WDR91: variants seen among roughly 807,000 people sequenced by gnomAD.
The protein encoded by WDR91 is WD repeat domain 91, also known as WD repeat-containing protein 91.
WDR91 carries 52 observed loss-of-function variants against 88.4 expected under a neutral mutation model. That is an observed-to-expected ratio of 0.59 (90% confidence interval 0.47 to 0.74). WDR91 has a LOEUF of 0.74. Among genes scored for constraint, WDR91 ranks in the 30% least tolerant of loss-of-function variants. The pLI is 0.00. For synonymous variants in WDR91, 362 were observed against 389.5 expected (o/e 0.93, Z 0.83); for missense variants, 824 against 954.5 (o/e 0.86, Z 1.80).
chr7:135,195,455 T>C (rs1831328011), intron 8 of WDR91, among the ~76,000 whole-genome samples: 1 of 152,226 alleles, frequency 6.6e-6, no homozygotes, highest in African/African-American at 2.4e-5. Flanking sequence ...GAGAAACCCA[T>C]CTACAGCTGA....
At chr7:135,193,182 T>TGC in intron 11 of WDR91, 49 bp downstream of exon 11, 5 of 1,594,272 alleles carry the variant, frequency 3.1e-6, no homozygotes, top group Non-Finnish European at 4.3e-6. Flanking sequence ...CCCAGGGGAA[T>TGC]ACAGAGTGTG....
Position 135,211,386 on chromosome 7 carries a change from C to G in WDR91, c.117G>C (p.Gly39=), listed in dbSNP as rs1187735446. 6.2e-7 allele frequency: 1 copy of G among 1,610,054 alleles called. No homozygotes were observed. The highest frequency in any genetic ancestry group is 1.1e-5 in the South Asian group (1 of 90,618). Residue 39 remains glycine (G), a synonymous_variant, in exon 1 of 15, where the codon GGG becomes GGC. Transcript: ENST00000354475. The part of the protein sequence containing the change: ...DAEIKADKEK[G]FRVDKIVDQL... ...GCTCCCGCCGGCCTCTCACCCGGAA[C>G]CCCTTCTCCTTGTCCGCCTTGATCT...
intron 7 of WDR91, chr7:135,197,259 T>C (rs1831408915): frequency 6.6e-6 from 1 of 152,150 alleles, no homozygotes; most frequent in Non-Finnish European, 1.5e-5. Context: ...GCCTTAGGGG[T>C]CTGTTGTCAC....
chr7:135,196,395 T>A lies in WDR91; in HGVS notation c.1051-58A>T, dbSNP rs1831375502. Reference sequence around the variant, plus strand: ...GGAAAGGGTCCCCCACACCAGGGTGTACACCGCAGGGGGTCTAGGCCTAGG... The same window carrying A: ...GGAAAGGGTCCCCCACACCAGGGTGAACACCGCAGGGGGTCTAGGCCTAGG... On this transcript the variant is annotated intron_variant, in intron 7 of 14. Transcript: ENST00000354475. This position sits in a 1 kb window ranked among gnomAD's most constrained non-coding sequence, Gnocchi z 4.2. 1 of 1,445,712 alleles carries A rather than the reference T, an allele frequency of 6.9e-7. No individual in the cohort carries two copies. The highest frequency in any genetic ancestry group is 9.1e-7 in the Non-Finnish European group (1 of 1,093,108). 89.6% of individuals were successfully genotyped at this position (1,445,712 alleles called of 1,614,324 possible).
chr7:135,200,017 T>C (rs1831514911), intron 6 of WDR91: 2 of 152,318 alleles, frequency 1.3e-5, no homozygotes, highest in Admixed American at 1.3e-4. Flanking sequence ...TTTACAATGA[T>C]AGGGCAGTTT....
chr7:135,188,782 G>C (rs1015894191), intron 12 of WDR91, among the ~76,000 whole-genome samples: 1 of 152,148 alleles, frequency 6.6e-6, no homozygotes. Flanking sequence ...AGGAGTCCCT[G>C]GGGGGAGCTC....
chr7:135,193,098 A>G, intron 11 of WDR91, 133 bp downstream of exon 11: 1 of 1,316,922 alleles, frequency 7.6e-7, no homozygotes, highest in South Asian at 1.4e-5. Flanking sequence ...GGAGTACACT[A>G]CTTTTCAACA....
chr7:135,192,034 A>T (rs2117644150), intron 11 of WDR91, among the ~76,000 whole-genome samples: 1 of 151,996 alleles, frequency 6.6e-6, no homozygotes, highest in African/African-American at 2.4e-5. Context: ...ACACACTGGC[A>T]GCATTTGCTT....
chr7:135,209,271 A>C (rs1831926619), intron 2 of WDR91, among the ~76,000 whole-genome samples: 1 of 152,226 alleles, frequency 6.6e-6, no homozygotes, highest in Non-Finnish European at 1.5e-5. Flanking sequence ...CCTCCAGGTC[A>C]GCTATCATCT....
At chr7:135,209,060 T>G in intron 2 of WDR91, 62 bp from the exon 3 acceptor site, 30 of 1,455,498 alleles carry the variant, frequency 2.1e-5, no homozygotes, top group Non-Finnish European at 2.2e-5. Context: ...GGTAAGACTC[T>G]TCATCATTGC....
intron 4 of WDR91, among the ~76,000 whole-genome samples, chr7:135,206,579 A>G (rs1399096930): frequency 6.6e-6 from 1 of 152,274 alleles, no homozygotes; most frequent in Admixed American, 6.5e-5. Context: ...TAATTTCAGG[A>G]AAGAGAAATG....
chr7:135,208,308 C>T (rs1436186936), intron 3 of WDR91, among the ~76,000 whole-genome samples: 1 of 152,240 alleles, frequency 6.6e-6, no homozygotes, highest in Non-Finnish European at 1.5e-5. Flanking sequence ...CTACTGTGTT[C>T]TCTGGCAACT....
At chr7:135,193,822 T>C (rs1831265674) in intron 9 of WDR91, 150 bp from the exon 10 acceptor site, 1 of 631,726 alleles carries the variant, frequency 1.6e-6, no homozygotes, top group Non-Finnish European at 2.8e-6. Flanking sequence ...CTGGCTACAA[T>C]GAGCCTCACT....
intron 9 of WDR91, among the ~76,000 whole-genome samples, chr7:135,194,078 G>A (rs972665240): frequency 6.6e-6 from 1 of 152,152 alleles, no homozygotes; most frequent in Non-Finnish European, 1.5e-5. Flanking sequence ...GGGCCTGGGT[G>A]ACTCCCATTT....
intron 1 of WDR91, among the ~76,000 whole-genome samples, chr7:135,210,494 A>C (rs1343306454): frequency 1.3e-5 from 2 of 152,116 alleles, no homozygotes; most frequent in African/African-American, 4.8e-5. Context: ...GCATGGACTG[A>C]CTCCTTCAAG....
At chr7:135,192,999 C>T (rs946975992) in intron 11 of WDR91, among the ~76,000 whole-genome samples, 16 of 152,204 alleles carry the variant, frequency 1.1e-4, no homozygotes, top group African/African-American at 3.4e-4. Context: ...CCTAAATAAT[C>T]AACCACAGGG....
chr7:135,188,065 G>C (rs1444916779), intron 13 of WDR91, among the ~76,000 whole-genome samples: 1 of 151,858 alleles, frequency 6.6e-6, no homozygotes, highest in East Asian at 1.9e-4. Context: ...GCTCTGCTGG[G>C]GTCTGTACAC....
In WDR91 at chr7:135,193,095, A is replaced by C. The variant is rs943792284; in HGVS notation, c.1659+136T>G. On this transcript the variant is annotated intron_variant, in intron 11 of 14. Transcript: ENST00000354475. ...CTAACAATCTGCCCAGTTGGAGTACACTACTTTTCAACACTCAAAACTTTA... is the reference window on the plus strand; with the variant it reads ...CTAACAATCTGCCCAGTTGGAGTACCCTACTTTTCAACACTCAAAACTTTA... 4 of 1,292,692 alleles carry C rather than the reference A, an allele frequency of 3.1e-6. No individual in the cohort carries two copies. In the African/African-American group the frequency reaches 5.9e-5, roughly 19 times the overall value. 80.1% of individuals were successfully genotyped at this position (1,292,692 alleles called of 1,614,324 possible).
chr7:135,199,436 G>A (rs1294261371), intron 6 of WDR91: 2 of 152,214 alleles, frequency 1.3e-5, no homozygotes, highest in South Asian at 2.1e-4. Context: ...CAAAAGCCAC[G>A]GAGAGGTAAT....
Sources: allele counts gnomAD v4.1 joint callset (sites outside exome capture counted in the v4.1 genomes callset), GRCh38; gene constraint gnomAD v4.1.1; non-coding constraint Gnocchi (gnomAD v3.1); transcripts MANE v1.5; gene names NCBI Gene and HGNC (gene_info 2026-07-23, HGNC 2026-07-21).